EIF4G3: variants seen among roughly 807,000 people sequenced by gnomAD.
EIF4G3 encodes eIF-4-gamma 3.
EIF4G3 carries 34 observed loss-of-function variants against 186.4 expected under a neutral mutation model. The ratio of observed to expected loss-of-function variants is 0.18; its 90% CI spans 0.14 to 0.24. The LOEUF is 0.24. Ranked by LOEUF, EIF4G3 falls within the 10% of genes least tolerant of loss-of-function variation. The pLI is 1.00. For missense variants in EIF4G3, 1,536 were observed against 1,948.5 expected, an observed-to-expected ratio of 0.79 and a Z score of 3.99; for synonymous variants, 673 against 679.5, an observed-to-expected ratio of 0.99 and a Z score of 0.15.
At chr1:20,974,557 A>T (rs950176553) in intron 10 of EIF4G3, among the ~76,000 whole-genome samples, 1 of 152,192 alleles carries the variant, frequency 6.6e-6, no homozygotes, top group African/African-American at 2.4e-5. Flanking sequence ...AGTGGGTTCA[A>T]TAGTGAAAGA....
At chr1:21,007,187 C>A (rs2085330905) in intron 4 of EIF4G3, among the ~76,000 whole-genome samples, 2 of 152,072 alleles carry the variant, frequency 1.3e-5, no homozygotes, top group African/African-American at 2.4e-5. Context: ...CACCTGAGGT[C>A]AGGAGCTCGA....
At chr1:21,109,233 G>C (rs1433485503) in intron 2 of EIF4G3, among the ~76,000 whole-genome samples, 1 of 152,050 alleles carries the variant, frequency 6.6e-6, no homozygotes, top group Non-Finnish European at 1.5e-5. Context: ...AAGCTACAAG[G>C]GTTTTGTACC....
chr1:21,044,387 T>G (rs900449190), intron 4 of EIF4G3, among the ~76,000 whole-genome samples: 1 of 152,208 alleles, frequency 6.6e-6, no homozygotes, highest in Non-Finnish European at 1.5e-5. Context: ...TAGATGGACA[T>G]GATGTGTTTC....
chr1:20,922,159 CCTCT>C (rs1378327439), intron 14 of EIF4G3, among the ~76,000 whole-genome samples: 6 of 152,120 alleles, frequency 3.9e-5, no homozygotes, highest in Admixed American at 2.0e-4. Context: ...AATCTGAAGA[CCTCT>C]CTATCTTGTT....
At chr1:21,057,222 A>C (rs1032500643) in intron 3 of EIF4G3, among the ~76,000 whole-genome samples, 5 of 152,230 alleles carry the variant, frequency 3.3e-5, no homozygotes, top group African/African-American at 9.6e-5. Context: ...AAATGTTCAT[A>C]GTTGTATTGT....
At chr1:20,959,760 C>G (rs538001675) in intron 12 of EIF4G3, among the ~76,000 whole-genome samples, 26 of 151,652 alleles carry the variant, frequency 1.7e-4, no homozygotes, top group African/African-American at 6.3e-4. Context: ...CATAAATTGG[C>G]CTACAAACAA....
chr1:20,906,671 C>T (rs1353205764), intron 14 of EIF4G3, among the ~76,000 whole-genome samples: 2 of 152,068 alleles, frequency 1.3e-5, no homozygotes, highest in East Asian at 3.8e-4. Flanking sequence ...AAAAAAACAG[C>T]TACTGAGCCA....
intron 2 of EIF4G3, among the ~76,000 whole-genome samples, chr1:21,173,015 T>G (rs972038409): frequency 2.7e-5 from 4 of 150,880 alleles, no homozygotes; most frequent in Non-Finnish European, 5.9e-5. Context: ...GGCGCACACC[T>G]GTAGTCCCAA....
At chr1:21,168,537 C>A (rs2097900986) in intron 2 of EIF4G3, among the ~76,000 whole-genome samples, 1 of 152,050 alleles carries the variant, frequency 6.6e-6, no homozygotes, top group Non-Finnish European at 1.5e-5. Context: ...ATCCTCCGGC[C>A]TCAGCCTCCT....
chr1:21,118,644 G>A (rs947073351), intron 2 of EIF4G3, among the ~76,000 whole-genome samples: 6 of 151,898 alleles, frequency 4.0e-5, no homozygotes, highest in African/African-American at 1.2e-4. Context: ...AAATCAGCTG[G>A]GTATGGTGGC....
chr1:20,947,938 T>C (rs986082363), intron 13 of EIF4G3, among the ~76,000 whole-genome samples: 1 of 152,166 alleles, frequency 6.6e-6, no homozygotes, highest in Non-Finnish European at 1.5e-5. Context: ...GATCTCATAA[T>C]CTAAAAATTT....
intron 14 of EIF4G3, among the ~76,000 whole-genome samples, chr1:20,908,693 T>C (rs758137700): frequency 6.6e-6 from 1 of 152,194 alleles, no homozygotes; most frequent in Non-Finnish European, 1.5e-5. Context: ...AAATTGTTAC[T>C]CCTGCAAATT....
chr1:20,873,274 C>T (rs1353014390), intron 20 of EIF4G3, among the ~76,000 whole-genome samples: 1 of 152,158 alleles, frequency 6.6e-6, no homozygotes, highest in Non-Finnish European at 1.5e-5. Flanking sequence ...CTACTATCAA[C>T]AGGCATTTTT....
chr1:20,981,171 A>T lies in EIF4G3; in HGVS notation c.255T>A (p.Pro85=). 1 of 1,613,848 alleles carries T rather than the reference A, an allele frequency of 6.2e-7. No homozygotes were observed. The highest frequency in any genetic ancestry group is 8.5e-7 in the Non-Finnish European group (1 of 1,179,910). Residue 85 remains proline (P), a synonymous_variant, in exon 9 of 37, where the codon CCT becomes CCA. Coordinates refer to ENST00000602326, the MANE Select transcript of EIF4G3 (RefSeq NM_001391906.1). ...PPRATIPNSS[P]SIRPGAQTPT... The stretch of plus-strand genomic sequence containing the variant: ...GTGTCTGTGCACCAGGACGAATGGA[A>T]GGACTGCTGTTCGGGATGGTAGCTC...
intron 17 of EIF4G3, 123 bp downstream of exon 17, chr1:20,895,245 A>G (rs954300328): frequency 9.0e-7 from 1 of 1,114,284 alleles, no homozygotes. Context: ...CTTAAACATT[A>G]GATATTTTTA....
At chr1:21,096,170 AAAG>A (rs1171320331) in intron 2 of EIF4G3, among the ~76,000 whole-genome samples, 1 of 152,254 alleles carries the variant, frequency 6.6e-6, no homozygotes, top group Non-Finnish European at 1.5e-5. Context: ...ATGACTGCAT[AAAG>A]AAGATGTAGT....
At chr1:21,108,628 G>A (rs185740827) in intron 2 of EIF4G3, among the ~76,000 whole-genome samples, 1 of 152,216 alleles carries the variant, frequency 6.6e-6, no homozygotes, top group Non-Finnish European at 1.5e-5. Context: ...AAGAGGCCAG[G>A]TGTGGTGGCT....
intron 3 of EIF4G3, among the ~76,000 whole-genome samples, chr1:21,068,386 A>AAAAAAAAAAAAC (rs2095331105): frequency 6.7e-6 from 1 of 149,052 alleles, no homozygotes; most frequent in Non-Finnish European, 1.5e-5. Flanking sequence ...AAAAAAAAAA[A>AAAAAAAAAAAAC]AAAAAAAAAA....
At chr1:20,899,123 G>A (rs956080293) in intron 16 of EIF4G3, among the ~76,000 whole-genome samples, 2 of 152,162 alleles carry the variant, frequency 1.3e-5, no homozygotes, top group African/African-American at 4.8e-5. Flanking sequence ...ATAGCATTAT[G>A]ACAGAGGTTT....
Sources: gnomAD v4.1 joint callset for allele counts (sites outside exome capture counted in the v4.1 genomes callset) on GRCh38, gnomAD v4.1.1 for gene constraint, MANE v1.5 for transcripts, NCBI Gene and HGNC (gene_info 2026-07-23, HGNC 2026-07-21) for gene names.